Variants in NCOA3 observed in about 807,000 individuals in gnomAD.
The protein encoded by NCOA3 is nuclear receptor coactivator 3.
A neutral mutation model predicts 158.8 loss-of-function variants in NCOA3; 51 were observed. That is an observed-to-expected ratio of 0.32 (90% CI 0.26 to 0.41). NCOA3 has a LOEUF of 0.41. Among genes scored for constraint, NCOA3 ranks in the 10% least tolerant of loss-of-function variants. The probability of loss-of-function intolerance (pLI) is 1.00; values close to 1 mark genes in which losing one functional copy is unlikely to be tolerated. For synonymous variants in NCOA3, 537 were observed against 592.4 expected, an observed-to-expected ratio of 0.91 and a Z score of 1.36; for missense variants, 1,510 against 1,746.6, an observed-to-expected ratio of 0.86 and a Z score of 2.41.
At chr20:47,560,968 C>CTTTTTTTT (rs11481985) in intron 1 of NCOA3, among the ~76,000 whole-genome samples, 11 of 101,142 alleles carry the variant, frequency 1.1e-4, no homozygotes, top group Admixed American at 2.4e-4. Context: ...ATCCCTCATT[C>CTTTTTTTT]TTTTTTTTTT....
intron 10 of NCOA3, 125 bp from the exon 11 acceptor site, chr20:47,635,196 TG>T: frequency 1.1e-6 from 1 of 914,492 alleles, no homozygotes; most frequent in Non-Finnish European, 1.6e-6. Context: ...CCCAAAGTGC[TG>T]GGAATATAGG....
chr20:47,650,203 A>C (rs1321356936), intron 19 of NCOA3, among the ~76,000 whole-genome samples: 1 of 146,456 alleles, frequency 6.8e-6, no homozygotes, highest in Admixed American at 6.8e-5. Context: ...ACCCCAAATA[A>C]TTTTCAGGTC....
chr20:47,585,373 A>T (rs914864668), intron 2 of NCOA3, among the ~76,000 whole-genome samples: 15 of 152,234 alleles, frequency 9.9e-5, no homozygotes, highest in African/African-American at 3.6e-4. Flanking sequence ...ATTACATCAG[A>T]ATAGGAAAAA....
intron 1 of NCOA3, among the ~76,000 whole-genome samples, chr20:47,554,775 A>G (rs545333395): frequency 6.6e-6 from 1 of 152,254 alleles, no homozygotes; most frequent in East Asian, 1.9e-4. Flanking sequence ...GAAAAAGGCC[A>G]TACTGCCCAA....
intron 1 of NCOA3, among the ~76,000 whole-genome samples, chr20:47,541,865 A>G (rs1399748257): frequency 6.6e-6 from 1 of 151,126 alleles, no homozygotes; most frequent in Non-Finnish European, 1.5e-5. Flanking sequence ...AGTTCTCCTC[A>G]TTTTTTAATT....
At chr20:47,599,101 A>G (rs182381987) in intron 2 of NCOA3, among the ~76,000 whole-genome samples, 25 of 152,298 alleles carry the variant, frequency 1.6e-4, no homozygotes, top group Admixed American at 3.9e-4. Flanking sequence ...TTGTTAAGGG[A>G]CACTCTGTGA....
intron 2 of NCOA3, among the ~76,000 whole-genome samples, chr20:47,611,601 G>A (rs2086044832): frequency 6.6e-6 from 1 of 152,096 alleles, no homozygotes; most frequent in Non-Finnish European, 1.5e-5. Context: ...AGACCAGCCT[G>A]GCCAACATGG....
chr20:47,606,165 C>A (rs545404531), intron 2 of NCOA3, among the ~76,000 whole-genome samples: 5 of 152,120 alleles, frequency 3.3e-5, no homozygotes, highest in Non-Finnish European at 7.4e-5. Context: ...ATTACATGAA[C>A]GTGGGGTATC....
At chr20:47,524,327 G>A (rs1288156082) in intron 1 of NCOA3, among the ~76,000 whole-genome samples, 1 of 152,214 alleles carries the variant, frequency 6.6e-6, no homozygotes, top group Non-Finnish European at 1.5e-5. Flanking sequence ...CACACGGAGA[G>A]AGGGTAAGAG....
At position 47,512,682 on chromosome 20, in the gene NCOA3, A is replaced by G. The variant is rs375369684; in HGVS notation, c.-99+10663A>G. Among the ~76,000 whole-genome samples, 14 of 152,322 alleles carry G rather than the reference A, an allele frequency of 9.2e-5. No individual in the cohort carries two copies. The South Asian group carries it at 1.7e-3, about 18-fold the overall frequency. ...ATGCTCAACATCAGCCATTAGGGAA[A>G]CTGAAAACTACAATGAGATACCACT... On this transcript the variant is annotated intron_variant, in intron 1 of 22. Coordinates refer to ENST00000371998, the MANE Select transcript of NCOA3 (RefSeq NM_181659.3).
chr20:47,600,158 TTA>T (rs936313008), intron 2 of NCOA3, among the ~76,000 whole-genome samples: 2 of 142,948 alleles, frequency 1.4e-5, no homozygotes, highest in South Asian at 2.1e-4. Context: ...TTTATATATT[TTA>T]TATATATATA....
At chr20:47,588,071 G>A (rs1170691062) in intron 2 of NCOA3, among the ~76,000 whole-genome samples, 5 of 149,258 alleles carry the variant, frequency 3.3e-5, no homozygotes, top group Admixed American at 3.3e-4. Context: ...CCAAGACCGA[G>A]AGTAAACAGT....
chr20:47,554,228 C>T (rs939772423), intron 1 of NCOA3, among the ~76,000 whole-genome samples: 4 of 152,020 alleles, frequency 2.6e-5, no homozygotes, highest in African/African-American at 9.7e-5. Flanking sequence ...TATCCTTCGC[C>T]CACTTTTTGA....
intron 2 of NCOA3, among the ~76,000 whole-genome samples, chr20:47,620,540 A>G (rs1249522595): frequency 6.6e-6 from 1 of 152,208 alleles, no homozygotes; most frequent in East Asian, 1.9e-4. Context: ...CCCCCGGGTC[A>G]GGATTCACCT....
intron 1 of NCOA3, among the ~76,000 whole-genome samples, chr20:47,548,689 A>G (rs991918733): frequency 6.6e-6 from 1 of 152,230 alleles, no homozygotes; most frequent in African/African-American, 2.4e-5. Context: ...GTGCATGTAT[A>G]TTATGCCTTC....
At chr20:47,596,675 G>A (rs892795492) in intron 2 of NCOA3, among the ~76,000 whole-genome samples, 4 of 151,942 alleles carry the variant, frequency 2.6e-5, no homozygotes, top group East Asian at 3.9e-4. Flanking sequence ...AGCCTCTGCC[G>A]CCCAGTCTCA....
At chr20:47,593,993 A>G (rs1248779393) in intron 2 of NCOA3, among the ~76,000 whole-genome samples, 2 of 152,246 alleles carry the variant, frequency 1.3e-5, no homozygotes, top group African/African-American at 2.4e-5. Flanking sequence ...TCTAATTAAA[A>G]TATGAACCAA....
chr20:47,543,672 G>T (rs2084780939), intron 1 of NCOA3, among the ~76,000 whole-genome samples: 2 of 152,006 alleles, frequency 1.3e-5, no homozygotes, highest in South Asian at 4.1e-4. Flanking sequence ...ACCACGCCTG[G>T]CTCAGTTTTG....
chr20:47,545,746 G>A (rs780071301), intron 1 of NCOA3, among the ~76,000 whole-genome samples: 1 of 151,070 alleles, frequency 6.6e-6, no homozygotes, highest in East Asian at 1.9e-4. Context: ...ACACGGTCTC[G>A]GTCTGTCGCC....
Sources: gnomAD v4.1 joint callset for allele counts (sites outside exome capture counted in the v4.1 genomes callset) on GRCh38, gnomAD v4.1.1 for gene constraint, MANE v1.5 for transcripts, NCBI Gene and HGNC (gene_info 2026-07-23, HGNC 2026-07-21) for gene names.